DNAAF4: variants seen among roughly 807,000 people sequenced by gnomAD.
The protein encoded by DNAAF4 is dynein assembly factor 4, axonemal.
Under a neutral mutation model 51.8 loss-of-function variants are expected in DNAAF4, and 43 were observed. The observed-to-expected ratio is 0.83, with a 90% CI of 0.65 to 1.07. The LOEUF is 1.07. Among genes scored for constraint, DNAAF4 ranks in the 50% least tolerant of loss-of-function variants. DNAAF4 has a pLI of 0.00. For synonymous variants in DNAAF4, 194 were observed against 165.6 expected, an observed-to-expected ratio of 1.17 and a Z score of -1.32; for missense variants, 581 against 493.0, an observed-to-expected ratio of 1.18 and a Z score of -1.69.
intron 3 of DNAAF4, among the ~76,000 whole-genome samples, chr15:55,495,606 A>T (rs906897323): frequency 1.3e-5 from 2 of 152,142 alleles, no homozygotes; most frequent in Admixed American, 1.3e-4. Context: ...GTTTTGGTGC[A>T]CACCTGTAGT....
chr15:55,427,789 C>T (rs546324247), downstream of DNAAF4, among the ~76,000 whole-genome samples: 21 of 151,944 alleles, frequency 1.4e-4, no homozygotes, highest in African/African-American at 5.1e-4. Context: ...GAAAGCGCCA[C>T]CAGGTCCAGC....
chr15:55,462,775 C>T (rs530487314), intron 5 of DNAAF4, among the ~76,000 whole-genome samples: 11 of 152,196 alleles, frequency 7.2e-5, no homozygotes, highest in African/African-American at 2.2e-4. Flanking sequence ...ACCAGGGATG[C>T]AGGGCTGGTT....
chr15:55,469,381 A>G (rs1347512500), intron 4 of DNAAF4, among the ~76,000 whole-genome samples: 1 of 151,724 alleles, frequency 6.6e-6, no homozygotes, highest in Non-Finnish European at 1.5e-5. Flanking sequence ...TACAGAGAAA[A>G]AACAAACTGT....
At chr15:55,443,966 G>C (rs2057756576) in intron 6 of DNAAF4, among the ~76,000 whole-genome samples, 1 of 151,862 alleles carries the variant, frequency 6.6e-6, no homozygotes, top group South Asian at 2.1e-4. Flanking sequence ...TGAGTAGATT[G>C]CAAAAATTTT....
intron 4 of DNAAF4, among the ~76,000 whole-genome samples, chr15:55,473,169 A>T (rs1427252903): frequency 1.5e-5 from 2 of 136,466 alleles, no homozygotes; most frequent in Non-Finnish European, 3.1e-5. Context: ...CCACCTCAAA[A>T]CAAACAAAAA....
chr15:55,444,277 C>T lies in DNAAF4; in HGVS notation c.784-4696G>A, dbSNP rs897938103. Among the ~76,000 whole-genome samples, 105 of 152,178 alleles carry T rather than the reference C, an allele frequency of 6.9e-4. 1 individual carries two copies. Among genetic ancestry groups the T allele is most frequent in the Non-Finnish European group, 1.0e-3 (71 of 68,020 alleles). On this transcript the variant is annotated intron_variant, in intron 6 of 9. Transcript: ENST00000321149. Reference sequence around the variant, plus strand: ...TTCTACATATGGCTAGCCAGTTTTCCCAGTACCATTTATTAAATAGGGAAT... The same window carrying T: ...TTCTACATATGGCTAGCCAGTTTTCTCAGTACCATTTATTAAATAGGGAAT...
chr15:55,427,860 C>G (rs1432476168), downstream of DNAAF4, among the ~76,000 whole-genome samples: 2 of 151,762 alleles, frequency 1.3e-5, no homozygotes, highest in Non-Finnish European at 2.9e-5. Flanking sequence ...GTCTCGAACT[C>G]CCGACCTCAG....
At chr15:55,497,675 G>T (rs1426497807) in intron 3 of DNAAF4, 37 bp downstream of exon 3, 4 of 1,580,782 alleles carry the variant, frequency 2.5e-6, no homozygotes, top group Non-Finnish European at 2.6e-6. Flanking sequence ...AACCGAAAAG[G>T]TACAACCAGA....
At chr15:55,487,081 C>G (rs944778543) in intron 4 of DNAAF4, among the ~76,000 whole-genome samples, 1 of 152,138 alleles carries the variant, frequency 6.6e-6, no homozygotes, top group Non-Finnish European at 1.5e-5. Flanking sequence ...AGAAATTTTT[C>G]AAAATCTTAG....
chr15:55,467,267 C>T (rs1376308795), intron 4 of DNAAF4, 106 bp from the exon 5 acceptor site: 2 of 1,073,634 alleles, frequency 1.9e-6, no homozygotes, highest in Non-Finnish European at 1.3e-6. Flanking sequence ...TAAACTCTTG[C>T]CATTGTATTT....
At chr15:55,454,597 C>T (rs1243126829) in intron 5 of DNAAF4, among the ~76,000 whole-genome samples, 2 of 151,940 alleles carry the variant, frequency 1.3e-5, no homozygotes, top group Admixed American at 1.3e-4. Context: ...AGGCAAGTCT[C>T]GAACTCCTGG....
At chr15:55,443,207 T>C in intron 6 of DNAAF4, 1 of 1,609,946 alleles carries the variant, frequency 6.2e-7, no homozygotes, top group Non-Finnish European at 8.5e-7. Flanking sequence ...CAGCTGGGGT[T>C]GGGGACAGAA....
chr15:55,440,958 G>A (rs888662828), intron 6 of DNAAF4, among the ~76,000 whole-genome samples: 51 of 151,990 alleles, frequency 3.4e-4, no homozygotes, highest in African/African-American at 1.1e-3. Context: ...TGGGGTTACA[G>A]GCTTGAGCCA....
At chr15:55,476,380 G>C (rs2058335188) in intron 4 of DNAAF4, among the ~76,000 whole-genome samples, 1 of 152,060 alleles carries the variant, frequency 6.6e-6, no homozygotes, top group African/African-American at 2.4e-5. Context: ...TTGAGACCAG[G>C]AGTTTGAAGT....
At chr15:55,463,923 T>C (rs1374258112) in intron 5 of DNAAF4, among the ~76,000 whole-genome samples, 1 of 152,042 alleles carries the variant, frequency 6.6e-6, no homozygotes, top group African/African-American at 2.4e-5. Flanking sequence ...CATCAAAATA[T>C]CATCATCATT....
intron 6 of DNAAF4, among the ~76,000 whole-genome samples, chr15:55,447,325 C>T (rs1031072975): frequency 2.0e-5 from 3 of 152,010 alleles, no homozygotes; most frequent in African/African-American, 7.2e-5. Context: ...CCTCACATCC[C>T]AGACGATGGG....
chr15:55,423,537 G>T (rs1443444794), intron 7 of DNAAF4, among the ~76,000 whole-genome samples: 4 of 152,166 alleles, frequency 2.6e-5, no homozygotes, highest in African/African-American at 9.7e-5. Context: ...GAGCCACCAT[G>T]CTGACCAGAG....
At chr15:55,500,616 T>C (rs1223971581) in intron 1 of DNAAF4, among the ~76,000 whole-genome samples, 1 of 152,208 alleles carries the variant, frequency 6.6e-6, no homozygotes, top group Non-Finnish European at 1.5e-5. Context: ...GCTAAACACA[T>C]ACACACCTCT....
intron 5 of DNAAF4, among the ~76,000 whole-genome samples, chr15:55,457,549 A>G (rs2058038278): frequency 6.6e-6 from 1 of 152,128 alleles, no homozygotes; most frequent in Non-Finnish European, 1.5e-5. Flanking sequence ...TCTCTCTTCT[A>G]TACTGCAGCT....
Sources: gnomAD v4.1 joint callset for allele counts (sites outside exome capture counted in the v4.1 genomes callset) on GRCh38, gnomAD v4.1.1 for gene constraint, MANE v1.5 for transcripts, NCBI Gene and HGNC (gene_info 2026-07-23, HGNC 2026-07-21) for gene names.